Variants in GMDS observed in about 807,000 individuals in gnomAD.
GMDS encodes GDP-mannose 4,6 dehydratase.
GMDS carries 20 observed loss-of-function variants against 49.9 expected under a neutral mutation model. The ratio of observed to expected loss-of-function variants is 0.40; its 90% CI spans 0.28 to 0.58. GMDS has a LOEUF of 0.58. Ranked by LOEUF, GMDS falls within the 20% of genes least tolerant of loss-of-function variation. The pLI, the probability that GMDS is intolerant of heterozygous loss-of-function variation, is 0.42. For missense variants in GMDS, 362 were observed against 481.4 expected (o/e 0.75, Z 2.32); for synonymous variants, 177 against 178.6 (o/e 0.99, Z 0.07).
chr6:1,969,293 GAA>G (rs57005560), intron 4 of GMDS, among the ~76,000 whole-genome samples: 2 of 115,294 alleles, frequency 1.7e-5, no homozygotes, highest in African/African-American at 6.2e-5. Context: ...AAAAAAAAGA[GAA>G]AGAAAGAAAA....
intron 7 of GMDS, among the ~76,000 whole-genome samples, chr6:1,853,840 A>T (rs1687857834): frequency 6.6e-6 from 1 of 152,210 alleles, no homozygotes; most frequent in South Asian, 2.1e-4. Flanking sequence ...ATTGTAGAAA[A>T]TCCCCCGAGT....
chr6:1,698,184 C>T (rs890000986), intron 9 of GMDS, among the ~76,000 whole-genome samples: 1 of 152,202 alleles, frequency 6.6e-6, no homozygotes, highest in African/African-American at 2.4e-5. Flanking sequence ...AGATTAAAGC[C>T]CTGGCAAGCA....
At chr6:1,835,127 C>A in intron 7 of GMDS, among the ~76,000 whole-genome samples, 1 of 152,098 alleles carries the variant, frequency 6.6e-6, no homozygotes. Context: ...GCAAATAACA[C>A]GGACGGGAGG....
chr6:2,124,235 T>C (rs1451302123), intron 2 of GMDS, among the ~76,000 whole-genome samples: 1 of 152,230 alleles, frequency 6.6e-6, no homozygotes, highest in African/African-American at 2.4e-5. Context: ...ATAAAATATA[T>C]GGTTGCCTAT....
intron 7 of GMDS, among the ~76,000 whole-genome samples, chr6:1,913,588 G>A (rs898822062): frequency 1.3e-5 from 2 of 152,114 alleles, no homozygotes; most frequent in Non-Finnish European, 2.9e-5. Flanking sequence ...GGAAAAAAAG[G>A]CTATGTCAAA....
intron 6 of GMDS, among the ~76,000 whole-genome samples, chr6:1,946,404 A>G (rs912317606): frequency 2.6e-5 from 4 of 152,234 alleles, no homozygotes; most frequent in Admixed American, 6.5e-5. Flanking sequence ...TAAAATGGAT[A>G]TAACTACAAC....
At chr6:1,671,738 C>T (rs745780405) in intron 9 of GMDS, among the ~76,000 whole-genome samples, 5 of 142,404 alleles carry the variant, frequency 3.5e-5, no homozygotes, top group African/African-American at 8.1e-5. Context: ...GATCTTGGCT[C>T]GCTGCAACCT....
chr6:1,922,972 G>T (rs1156961653), intron 7 of GMDS, among the ~76,000 whole-genome samples: 4 of 152,210 alleles, frequency 2.6e-5, no homozygotes, highest in African/African-American at 9.6e-5. Flanking sequence ...CCCCCATCCT[G>T]TTCTCATGGT....
At chr6:2,145,798 C>T (rs1238304629) in intron 1 of GMDS, among the ~76,000 whole-genome samples, 2 of 152,288 alleles carry the variant, frequency 1.3e-5, no homozygotes, top group East Asian at 1.9e-4. Context: ...GAGGCTGAGA[C>T]AAGAGGATGC....
intron 7 of GMDS, among the ~76,000 whole-genome samples, chr6:1,923,021 C>T (rs1761799065): frequency 6.6e-6 from 1 of 152,152 alleles, no homozygotes; most frequent in Admixed American, 6.5e-5. Context: ...AAAAGGGGAA[C>T]CCCTTTCACT....
intron 1 of GMDS, among the ~76,000 whole-genome samples, chr6:2,144,873 T>C (rs889942716): frequency 1.3e-5 from 2 of 151,852 alleles, no homozygotes; most frequent in Non-Finnish European, 2.9e-5. Context: ...CTCTGGAAGG[T>C]GAGAAAAAGA....
intron 1 of GMDS, among the ~76,000 whole-genome samples, chr6:2,136,106 C>T (rs868265784): frequency 6.6e-6 from 1 of 152,264 alleles, no homozygotes. Context: ...TGTATCTACA[C>T]AGAAAAGGTA....
chr6:1,864,268 T>C (rs926181166), intron 7 of GMDS, among the ~76,000 whole-genome samples: 3 of 152,226 alleles, frequency 2.0e-5, no homozygotes, highest in African/African-American at 4.8e-5. Flanking sequence ...ATTTCAATAT[T>C]ACATATTTTT....
chr6:2,163,791 G>A (rs1222799531), intron 1 of GMDS, among the ~76,000 whole-genome samples: 1 of 152,186 alleles, frequency 6.6e-6, no homozygotes, highest in Non-Finnish European at 1.5e-5. Flanking sequence ...TGGCCCCTGG[G>A]ATCCAATTGC....
In GMDS at chr6:1,956,760, T is replaced by G. The variant is rs991258517; in HGVS notation, c.643+3107A>C. Among the ~76,000 whole-genome samples, 9 of 152,222 alleles carry G rather than the reference T, an allele frequency of 5.9e-5. No homozygotes were observed. In the South Asian group the frequency reaches 6.2e-4, roughly 11 times the overall value. On this transcript the variant is annotated intron_variant, in intron 6 of 10. Coordinates refer to ENST00000380815, the MANE Select transcript of GMDS (RefSeq NM_001500.4). The stretch of plus-strand genomic sequence containing the variant: ...CAAAGATTATTAACAAAAAACAAAT[T>G]TTATCTGTTTATTAATGTATATCAG...
At chr6:2,095,654 T>TA (rs1773557162) in intron 4 of GMDS, among the ~76,000 whole-genome samples, 1 of 152,156 alleles carries the variant, frequency 6.6e-6, no homozygotes, top group African/African-American at 2.4e-5. Context: ...CTTGCAAATG[T>TA]GATGTAGATT....
intron 4 of GMDS, among the ~76,000 whole-genome samples, chr6:1,990,620 G>A (rs1765874172): frequency 6.6e-6 from 1 of 152,038 alleles, no homozygotes; most frequent in Admixed American, 6.6e-5. Flanking sequence ...TGTCACCTAG[G>A]CTCCAGTGCA....
At chr6:1,781,061 G>A (rs542133634) in intron 7 of GMDS, among the ~76,000 whole-genome samples, 2 of 152,112 alleles carry the variant, frequency 1.3e-5, no homozygotes, top group Admixed American at 6.5e-5. Flanking sequence ...AATCCCAAGC[G>A]CTCGCCTTAA....
intron 4 of GMDS, among the ~76,000 whole-genome samples, chr6:2,029,050 A>G (rs1768796035): frequency 6.6e-6 from 1 of 150,602 alleles, no homozygotes; most frequent in Admixed American, 6.6e-5. Flanking sequence ...GACCTTTACC[A>G]TACCTTTTTT....
Sources: gnomAD v4.1 joint callset for allele counts (sites outside exome capture counted in the v4.1 genomes callset) on GRCh38, gnomAD v4.1.1 for gene constraint, MANE v1.5 for transcripts, NCBI Gene and HGNC (gene_info 2026-07-23, HGNC 2026-07-21) for gene names.